Variants in IL13RA1 observed in about 807,000 individuals in gnomAD.
The protein encoded by IL13RA1 is interleukin 13 receptor subunit alpha 1.
Under a neutral mutation model 33.8 loss-of-function variants are expected in IL13RA1, and 14 were observed. The ratio of observed to expected loss-of-function variants is 0.41; its 90% CI spans 0.27 to 0.65. The LOEUF (loss-of-function observed/expected upper bound fraction) is 0.65, where lower values mean the gene tolerates loss of function less well. IL13RA1 is among the 30% of genes least tolerant of loss of function. The pLI is 0.28. For synonymous variants in IL13RA1, 116 were observed against 115.7 expected (o/e 1.00, Z -0.02); for missense variants, 313 against 327.0 (o/e 0.96, Z 0.33).
chrX:118,798,944 G>A (rs1025850481), downstream of IL13RA1, among the ~76,000 whole-genome samples: 5 of 112,464 alleles, frequency 4.4e-5, no homozygotes, highest in Admixed American at 9.3e-5. Flanking sequence ...CAGCTTGCAG[G>A]GAGGTGTGGA....
At chrX:118,784,111 GTATATATGTA>G (rs1307582729) in intron 10 of IL13RA1, among the ~76,000 whole-genome samples, 1 of 25,344 alleles carries the variant, frequency 3.9e-5, no homozygotes, top group African/African-American at 1.4e-4. Context: ...ATATATATAC[GTATATATGTA>G]TATATATGTA....
chrX:118,774,037 T>C (rs1420464188), intron 9 of IL13RA1, 62 bp downstream of exon 9: 14 of 574,687 alleles, frequency 2.4e-5, no homozygotes, highest in Non-Finnish European at 4.0e-5. Context: ...TGGTTATTAC[T>C]TTTAGTGCTT....
chrX:118,776,541 GTTTTTTTTTTTT>G (rs5903529), intron 10 of IL13RA1, 30 bp downstream of exon 10: 3 of 224,603 alleles, frequency 1.3e-5, no homozygotes, highest in Admixed American at 8.2e-5. Context: ...GGCTTGAAAT[GTTTTTTTTTTTT>G]TTTTTTTTTG....
chrX:118,778,416 T>A (rs2017809098), intron 10 of IL13RA1, among the ~76,000 whole-genome samples: 1 of 111,138 alleles, frequency 9.0e-6, no homozygotes, highest in Non-Finnish European at 1.9e-5. Flanking sequence ...ATGAGGAAAT[T>A]GTATGCCGTA....
At chrX:118,761,947 A>G (rs966254777) in intron 6 of IL13RA1, among the ~76,000 whole-genome samples, 2 of 112,383 alleles carry the variant, frequency 1.8e-5, no homozygotes, top group African/African-American at 6.5e-5. Context: ...AAAGATGTCT[A>G]AGCAGTAGGC....
At chrX:118,750,826 A>C (rs2017462553) in intron 4 of IL13RA1, among the ~76,000 whole-genome samples, 1 of 111,152 alleles carries the variant, frequency 9.0e-6, no homozygotes, top group African/African-American at 3.3e-5. Context: ...TATGTTTTTG[A>C]GATAGAGTCT....
chrX:118,803,854 TTTCCTTCC>T, the IL13RA1 span, among the ~76,000 whole-genome samples: 11,880 of 69,190 alleles, frequency 0.17, 1,112 homozygotes, highest in South Asian at 0.24. Context: ...TGTTTTCTCT[TTTCCTTCC>T]TTCCTTCCTT....
intron 4 of IL13RA1, among the ~76,000 whole-genome samples, chrX:118,754,451 C>T (rs2147377742): frequency 9.1e-6 from 1 of 109,517 alleles, no homozygotes; most frequent in African/African-American, 3.3e-5. Flanking sequence ...TCCTGGCTAA[C>T]ACAGTGAAAC....
At chrX:118,784,191 T>C (rs2147401143) in intron 10 of IL13RA1, among the ~76,000 whole-genome samples, 1 of 95,295 alleles carries the variant, frequency 1.0e-5, no homozygotes, top group East Asian at 3.3e-4. Flanking sequence ...TTAAAAGCAA[T>C]ATACATTTAG....
intron 2 of IL13RA1, among the ~76,000 whole-genome samples, chrX:118,742,418 A>C (rs891728860): frequency 1.8e-5 from 2 of 112,084 alleles, no homozygotes; most frequent in African/African-American, 6.5e-5. Context: ...TGAGAAATTC[A>C]CAGAAAGACC....
intron 1 of IL13RA1, among the ~76,000 whole-genome samples, chrX:118,738,882 G>T (rs1184528559): frequency 9.5e-6 from 1 of 105,650 alleles, no homozygotes; most frequent in East Asian, 3.0e-4. Flanking sequence ...CCACCTCCTG[G>T]GTTCAAGTGA....
intron 6 of IL13RA1, among the ~76,000 whole-genome samples, chrX:118,766,073 C>T (rs1167410063): frequency 1.8e-5 from 2 of 111,379 alleles, no homozygotes; most frequent in Non-Finnish European, 3.8e-5. Context: ...TGTTTATTTC[C>T]CTATAAGGTG....
chrX:118,777,671 G>T (rs755186129), intron 10 of IL13RA1, among the ~76,000 whole-genome samples: 118 of 111,696 alleles, frequency 1.1e-3, no homozygotes, highest in Non-Finnish European at 1.7e-3. Flanking sequence ...TAGAAATGGA[G>T]CAGCCCTACC....
chrX:118,739,014 A>G (rs1360105065), intron 1 of IL13RA1, among the ~76,000 whole-genome samples: 1 of 110,741 alleles, frequency 9.0e-6, no homozygotes, highest in Non-Finnish European at 1.9e-5. Flanking sequence ...TCCCGAACTC[A>G]TGATCTCAAG....
intron 2 of IL13RA1, among the ~76,000 whole-genome samples, chrX:118,743,394 C>G (rs902626985): frequency 9.0e-6 from 1 of 111,637 alleles, no homozygotes; most frequent in Non-Finnish European, 1.9e-5. Flanking sequence ...GGAGGCTCAT[C>G]AAGTTGAGAG....
In IL13RA1 at chrX:118,773,910, C is replaced by G; in HGVS notation, c.1041C>G (p.Thr347=). The change falls in exon 9 of 11, where the codon ACC becomes ACG. Residue 347 remains threonine (T), a synonymous_variant. Transcript: ENST00000371666. ...GKKRNSTLYI[T]MLLIVPVIVA... is the part of the protein sequence containing the mutation. ...AGCGCAATTCCACACTCTACATAAC[C>G]ATGTTACTCATTGTTCCAGTCATCG... 1 of 1,076,386 alleles carries G rather than the reference C, an allele frequency of 9.3e-7. No homozygotes were observed. 88.7% of individuals were successfully genotyped at this position (1,076,386 alleles called of 1,213,427 possible). A position where few individuals can be genotyped will look rare whatever the true frequency, so the allele number is the denominator to read the frequency against.
Position 118,777,484 on chromosome X carries a change from C to T in IL13RA1, c.1191+973C>T, listed in dbSNP as rs146627877. 2.3e-3 allele frequency among the ~76,000 whole-genome samples: 262 copies of T among 111,975 alleles called. 1 individual carries two copies. The highest frequency in any genetic ancestry group is 8.1e-3 in the African/African-American group (251 of 30,928). ...CTCCATTCTCTCTCTGGTTAGGAGA[C>T]ATATTTTATCAAAACATGCAGGAAG... On this transcript the variant is annotated intron_variant, in intron 10 of 10. Coordinates refer to ENST00000371666, the MANE Select transcript of IL13RA1 (RefSeq NM_001560.3).
chrX:118,773,693 G>A (rs1050645909), intron 8 of IL13RA1, among the ~76,000 whole-genome samples, 186 bp from the exon 9 acceptor site: 4 of 93,525 alleles, frequency 4.3e-5, no homozygotes, highest in Admixed American at 2.6e-4. Flanking sequence ...TCAGGCACCA[G>A]AGGAGGACTT....
At chrX:118,788,786 T>C (rs1014311948) in intron 10 of IL13RA1, among the ~76,000 whole-genome samples, 10 of 111,977 alleles carry the variant, frequency 8.9e-5, no homozygotes, top group African/African-American at 3.2e-4. Context: ...ATTTTATTAC[T>C]GTCTTAGGAT....
Sources: allele counts gnomAD v4.1 joint callset (sites outside exome capture counted in the v4.1 genomes callset), GRCh38; gene constraint gnomAD v4.1.1; transcripts MANE v1.5; gene names NCBI Gene and HGNC (gene_info 2026-07-23, HGNC 2026-07-21).